The following NCK2 variants were observed in gnomAD, a reference collection of about 807,000 sequenced individuals.
NCK2 encodes the protein cytoplasmic protein NCK2.
Under a neutral mutation model 33.9 loss-of-function variants are expected in NCK2, and 16 were observed. The ratio of observed to expected loss-of-function variants is 0.47; its 90% confidence interval spans 0.32 to 0.72. The LOEUF (loss-of-function observed/expected upper bound fraction) is 0.72, where lower values mean the gene tolerates loss of function less well. Ranked by LOEUF, NCK2 falls within the 30% of genes least tolerant of loss-of-function variation. The probability of loss-of-function intolerance (pLI) is 0.03; values close to 1 mark genes in which losing one functional copy is unlikely to be tolerated. For synonymous variants in NCK2, 273 were observed against 239.9 expected, an observed-to-expected ratio of 1.14 and a Z score of -1.27; for missense variants, 418 against 537.3, an observed-to-expected ratio of 0.78 and a Z score of 2.19.
intron 1 of NCK2, among the ~76,000 whole-genome samples, chr2:105,805,580 A>G (rs867087644): frequency 1.3e-5 from 2 of 152,252 alleles, no homozygotes; most frequent in South Asian, 4.1e-4. Context: ...TTTTGTACCC[A>G]TCCACCAAAA....
intron 1 of NCK2, among the ~76,000 whole-genome samples, chr2:105,759,082 G>T (rs892295996): frequency 6.6e-6 from 1 of 152,116 alleles, no homozygotes; most frequent in Non-Finnish European, 1.5e-5. Flanking sequence ...AACTTAATTT[G>T]CAAATAATGA....
At chr2:105,752,140 C>T (rs1031679339) in intron 1 of NCK2, among the ~76,000 whole-genome samples, 6 of 152,124 alleles carry the variant, frequency 3.9e-5, no homozygotes, top group African/African-American at 9.7e-5. Flanking sequence ...TGGCCACACG[C>T]GACTAGTGGC....
At chr2:105,768,908 G>C (rs999944394) in intron 1 of NCK2, among the ~76,000 whole-genome samples, 2 of 152,170 alleles carry the variant, frequency 1.3e-5, no homozygotes, top group Non-Finnish European at 2.9e-5. Context: ...AGTTCATGAC[G>C]TGGAGGCTCC....
chr2:105,779,849 A>G (rs1309840735), intron 1 of NCK2, among the ~76,000 whole-genome samples: 2 of 152,248 alleles, frequency 1.3e-5, no homozygotes, highest in Non-Finnish European at 1.5e-5. Context: ...TCCCTTAGTT[A>G]TAGGAAGGAG....
At chr2:105,771,531 C>T (rs536090608) in intron 1 of NCK2, among the ~76,000 whole-genome samples, 1 of 152,260 alleles carries the variant, frequency 6.6e-6, no homozygotes, top group East Asian at 1.9e-4. Context: ...GGCCACTGTA[C>T]TCCAGCCTGG....
chr2:105,881,847 A>G lies in NCK2; in HGVS notation c.746A>G (p.Lys249Arg), dbSNP rs751867472. The change falls in exon 4 of 5, where the codon AAA becomes AGA. Residue 249 changes from lysine (K) to arginine (R), a missense_variant. Lys to Arg is a conservative substitution (Grantham distance 26). Transcript: ENST00000233154. ...CGGGGCCAGGTGGGCCTCGTCCCCA[A>G]AAACTACGTGGTGGTCCTCAGTGAC... ...NARGQVGLVP[K>R]NYVVVLSDGP... 53 of 1,596,726 alleles carry G rather than the reference A, an allele frequency of 3.3e-5. No individual in the cohort carries two copies. The highest frequency in any genetic ancestry group is 1.4e-4 in the Admixed American group (8 of 58,816).
At chr2:105,769,133 T>G (rs1690043394) in intron 1 of NCK2, among the ~76,000 whole-genome samples, 1 of 152,090 alleles carries the variant, frequency 6.6e-6, no homozygotes, top group Non-Finnish European at 1.5e-5. Context: ...GCACTGGGGC[T>G]CTCTATGAAT....
chr2:105,786,066 C>T (rs1052824285), intron 1 of NCK2, among the ~76,000 whole-genome samples: 5 of 152,268 alleles, frequency 3.3e-5, no homozygotes, highest in South Asian at 2.1e-4. Context: ...CTTATTCTCA[C>T]GTCCCTTCCA....
intron 1 of NCK2, among the ~76,000 whole-genome samples, chr2:105,755,707 T>G (rs1426077431): frequency 1.3e-5 from 2 of 151,398 alleles, no homozygotes; most frequent in Non-Finnish European, 2.9e-5. Context: ...CCCGAACCCA[T>G]GCCTATAAAT....
chr2:105,837,432 T>C (rs973441824), intron 2 of NCK2, among the ~76,000 whole-genome samples: 2 of 152,168 alleles, frequency 1.3e-5, no homozygotes, highest in Admixed American at 6.5e-5. Flanking sequence ...TGTGTGATTG[T>C]GTGGGGAGTG....
At chr2:105,833,542 CTTCTGATATTATTTATTTGATA>C (rs1377006718) in intron 2 of NCK2, among the ~76,000 whole-genome samples, 2 of 151,966 alleles carry the variant, frequency 1.3e-5, no homozygotes, top group Admixed American at 6.6e-5. Context: ...TGTAAAATGT[CTTCTGATATTATTTATTTGATA>C]TTCTGATATT....
At chr2:105,834,854 T>G (rs1439242085) in intron 2 of NCK2, among the ~76,000 whole-genome samples, 1 of 152,016 alleles carries the variant, frequency 6.6e-6, no homozygotes, top group East Asian at 1.9e-4. Flanking sequence ...TTTATTTTTA[T>G]TTTTGTAGAG....
At chr2:105,805,227 C>T (rs1477876738) in intron 1 of NCK2, among the ~76,000 whole-genome samples, 1 of 152,164 alleles carries the variant, frequency 6.6e-6, no homozygotes, top group Non-Finnish European at 1.5e-5. Context: ...TGCACGATGG[C>T]ATTGGGAAGC....
At chr2:105,791,567 A>G (rs992115994) in intron 1 of NCK2, among the ~76,000 whole-genome samples, 2 of 152,150 alleles carry the variant, frequency 1.3e-5, no homozygotes, top group African/African-American at 2.4e-5. Flanking sequence ...AGTTTATTGT[A>G]TGTTTTTAGA....
chr2:105,859,273 C>T (rs762212270), intron 3 of NCK2, among the ~76,000 whole-genome samples: 2 of 152,232 alleles, frequency 1.3e-5, no homozygotes, highest in African/African-American at 2.4e-5. Flanking sequence ...CGGTGGTTAA[C>T]ATAGGCTTAA....
chr2:105,867,756 A>T (rs995165640), intron 3 of NCK2, among the ~76,000 whole-genome samples: 2 of 152,190 alleles, frequency 1.3e-5, no homozygotes, highest in Non-Finnish European at 2.9e-5. Context: ...AGGAACTGGC[A>T]TCTTGGTTGC....
chr2:105,894,173 G>A lies in NCK2; in HGVS notation c.*997G>A, dbSNP rs553809229. 7 of 152,640 alleles carry A rather than the reference G, an allele frequency of 4.6e-5. No individual in the cohort carries two copies. In the South Asian group the frequency reaches 1.5e-3, roughly 32 times the overall value. The allele number at this position is 152,640 out of a possible 1,614,324, so 9.5% of individuals were successfully genotyped here. ...CTTTATAGTTTAAATATAACGTCTT[G>A]AGATGGCACATTCCTACGATTGAAG... is the stretch of plus-strand genomic sequence containing the variant. On this transcript the variant is annotated 3_prime_UTR_variant, in exon 5 of 5. Coordinates refer to ENST00000233154, the MANE Select transcript of NCK2 (RefSeq NM_003581.5).
At chr2:105,891,258 T>G (rs1426255539) in intron 4 of NCK2, among the ~76,000 whole-genome samples, 5 of 152,010 alleles carry the variant, frequency 3.3e-5, no homozygotes, top group Admixed American at 6.5e-5. Flanking sequence ...CAACTCTTTT[T>G]TTTGTTTGTT....
intron 2 of NCK2, among the ~76,000 whole-genome samples, chr2:105,836,150 T>A (rs1676428195): frequency 7.1e-6 from 1 of 140,980 alleles, no homozygotes; most frequent in Non-Finnish European, 1.5e-5. Flanking sequence ...AGAATTACTG[T>A]GTTTCTTTGG....
Sources: gnomAD v4.1 joint callset for allele counts (sites outside exome capture counted in the v4.1 genomes callset) on GRCh38, gnomAD v4.1.1 for gene constraint, MANE v1.5 for transcripts, NCBI Gene and HGNC (gene_info 2026-07-23, HGNC 2026-07-21) for gene names.